Variants in SLIT3 observed in about 807,000 individuals in gnomAD.
The protein encoded by SLIT3 is slit guidance ligand 3, also known as slit homolog 3 protein.
SLIT3 carries 68 observed loss-of-function variants against 184.0 expected under a neutral mutation model. The ratio of observed to expected loss-of-function variants is 0.37; its 90% CI spans 0.30 to 0.45. The LOEUF (loss-of-function observed/expected upper bound fraction) is 0.45, where lower values mean the gene tolerates loss of function less well. SLIT3 is among the 20% of genes least tolerant of loss of function. The probability of loss-of-function intolerance (pLI) is 1.00; values close to 1 mark genes in which losing one functional copy is unlikely to be tolerated. For missense variants in SLIT3, 1,707 were observed against 2,026.0 expected (o/e 0.84, Z 3.02); for synonymous variants, 831 against 828.6 (o/e 1.00, Z -0.05).
intron 4 of SLIT3, among the ~76,000 whole-genome samples, chr5:169,080,684 C>A (rs538727649): frequency 6.6e-6 from 1 of 152,278 alleles, no homozygotes; most frequent in Admixed American, 6.5e-5. Flanking sequence ...AGCCACTCTA[C>A]CATACAGCCA....
chr5:168,782,392 T>C (rs967558214), intron 12 of SLIT3, among the ~76,000 whole-genome samples: 4 of 152,214 alleles, frequency 2.6e-5, no homozygotes, highest in Admixed American at 1.3e-4. Context: ...ACAACGCAGC[T>C]TGCAGCTGTC....
At chr5:168,730,846 A>C (rs1763269926) in intron 20 of SLIT3, among the ~76,000 whole-genome samples, 1 of 152,056 alleles carries the variant, frequency 6.6e-6, no homozygotes, top group Admixed American at 6.5e-5. Flanking sequence ...ACAACCCCAA[A>C]GTTAGCAGAA....
rs926608343 is a variant in SLIT3, at chr5:168,774,186, G to A, written c.1295+49C>T. On this transcript the variant is annotated intron_variant, in intron 13 of 35. Coordinates refer to ENST00000519560, the MANE Select transcript of SLIT3 (RefSeq NM_003062.4). ...GGTGTTTTTCATGATGGGCATTTGG[G>A]GTCTCCTGCTGCTTGGGCACCCACT... 2.6e-6 allele frequency: 4 copies of A among 1,547,610 alleles called. No individual in the cohort carries two copies. In the African/African-American group the frequency reaches 5.5e-5, roughly 21 times the overall value.
At chr5:168,696,271 A>G (rs1232328286) in intron 28 of SLIT3, 21 bp downstream of exon 28, 1 of 1,614,118 alleles carries the variant, frequency 6.2e-7, no homozygotes, top group Admixed American at 1.7e-5. Context: ...CCCACCATAC[A>G]TACAGTCATG....
chr5:169,249,589 G>A (rs1340143659), intron 2 of SLIT3, among the ~76,000 whole-genome samples: 1 of 148,352 alleles, frequency 6.7e-6, no homozygotes, highest in Non-Finnish European at 1.5e-5. Context: ...ACAGATGCAG[G>A]GGAAATAAAT....
At chr5:168,958,213 T>C (rs1370625204) in intron 4 of SLIT3, among the ~76,000 whole-genome samples, 1 of 152,208 alleles carries the variant, frequency 6.6e-6, no homozygotes, top group Non-Finnish European at 1.5e-5. Flanking sequence ...TGAAAGTTTT[T>C]TAAAGCTATC....
At position 169,226,300 on chromosome 5, in the gene SLIT3, G is replaced by A. The variant is rs1764806149; in HGVS notation, c.341+18405C>T. Among the ~76,000 whole-genome samples, 3 of 152,046 alleles carry A rather than the reference G, an allele frequency of 2.0e-5. No homozygotes were observed. The South Asian group carries it at 6.2e-4, about 32-fold the overall frequency. On this transcript the variant is annotated intron_variant, in intron 3 of 35. Transcript: ENST00000519560. ...TCTGGGTCAGAGAGTCTCCTGCTGA[G>A]GCACACCTTTGGGAGACCTTCGACT...
At chr5:168,851,089 C>T (rs970120732) in intron 5 of SLIT3, among the ~76,000 whole-genome samples, 2 of 151,962 alleles carry the variant, frequency 1.3e-5, no homozygotes, top group African/African-American at 2.4e-5. Context: ...TTTGGGAGGC[C>T]GAGGCAGGGG....
intron 6 of SLIT3, among the ~76,000 whole-genome samples, chr5:168,825,550 T>A (rs1757671757): frequency 2.0e-5 from 3 of 152,202 alleles, no homozygotes; most frequent in Non-Finnish European, 4.4e-5. Flanking sequence ...AAATTTACAT[T>A]GCCTGCTCCT....
chr5:168,885,599 C>A (rs984915909), intron 4 of SLIT3, among the ~76,000 whole-genome samples: 1 of 152,170 alleles, frequency 6.6e-6, no homozygotes, highest in Admixed American at 6.5e-5. Flanking sequence ...TGTAGGCCAC[C>A]GAGCCTTTGC....
intron 1 of SLIT3, among the ~76,000 whole-genome samples, chr5:169,255,014 T>A (rs369628897): frequency 1.2e-4 from 19 of 152,308 alleles, no homozygotes; most frequent in African/African-American, 4.6e-4. Context: ...CATAAGATCA[T>A]AACGGAGCTG....
intron 4 of SLIT3, among the ~76,000 whole-genome samples, chr5:169,110,276 T>C (rs1760365648): frequency 6.6e-6 from 1 of 152,314 alleles, no homozygotes; most frequent in South Asian, 2.1e-4. Flanking sequence ...ACACAGCTTA[T>C]CATTTACAGA....
At chr5:169,160,983 C>T (rs936647977) in intron 4 of SLIT3, among the ~76,000 whole-genome samples, 3 of 152,166 alleles carry the variant, frequency 2.0e-5, no homozygotes, top group Non-Finnish European at 4.4e-5. Context: ...TGAGATCATG[C>T]GAATCCCCAG....
In SLIT3 at chr5:169,054,217, A is replaced by T. The variant is rs970508436; in HGVS notation, c.413+139262T>A. Among the ~76,000 whole-genome samples, 9 of 112,748 alleles carry T rather than the reference A, an allele frequency of 8.0e-5. No homozygotes were observed. The South Asian group carries it at 2.2e-3, about 27-fold the overall frequency. 74.0% of individuals were successfully genotyped at this position (112,748 alleles called of 152,430 possible). The stretch of plus-strand genomic sequence containing the variant: ...AATGCCATATGAAGAGAGAGACACT[A>T]AAAAAAAAAAAAAAAAAAAGGTGGC... On this transcript the variant is annotated intron_variant, in intron 4 of 35. Transcript: ENST00000519560.
At chr5:169,176,006 A>G (rs988746570) in intron 4 of SLIT3, among the ~76,000 whole-genome samples, 8 of 152,222 alleles carry the variant, frequency 5.3e-5, no homozygotes, top group African/African-American at 1.9e-4. Context: ...TTTATCACCC[A>G]GGGTTTCTTC....
intron 32 of SLIT3, among the ~76,000 whole-genome samples, chr5:168,674,066 AACAAACTCTCTC>A (rs1446738351): frequency 6.6e-6 from 1 of 152,190 alleles, no homozygotes; most frequent in Admixed American, 6.5e-5. Context: ...GTACATATAA[AACAAACTCTCTC>A]ACAGTTAAAA....
intron 4 of SLIT3, among the ~76,000 whole-genome samples, chr5:169,156,383 G>A (rs964826725): frequency 1.3e-5 from 2 of 152,176 alleles, no homozygotes; most frequent in Admixed American, 1.3e-4. Context: ...CCCTAATGAA[G>A]CATTCCCTAA....
intron 4 of SLIT3, among the ~76,000 whole-genome samples, chr5:169,103,130 G>T (rs1760079603): frequency 1.3e-5 from 2 of 152,136 alleles, no homozygotes; most frequent in Non-Finnish European, 2.9e-5. Context: ...TATGAGATAG[G>T]CACTCTTAAT....
chr5:168,932,967 G>C (rs115141884), intron 4 of SLIT3, among the ~76,000 whole-genome samples: 1 of 152,306 alleles, frequency 6.6e-6, no homozygotes, highest in African/African-American at 2.4e-5. Flanking sequence ...CACTGTAACT[G>C]AGCTTTCCAC....
Sources: allele counts gnomAD v4.1 joint callset (sites outside exome capture counted in the v4.1 genomes callset), GRCh38; gene constraint gnomAD v4.1.1; transcripts MANE v1.5; gene names NCBI Gene and HGNC (gene_info 2026-07-23, HGNC 2026-07-21).